The following SLIT2 variants were observed in gnomAD, a reference collection of about 807,000 sequenced individuals.
The protein encoded by SLIT2 is slit homolog 2 protein.
In SLIT2, 41 loss-of-function variants were observed where a neutral mutation model predicts 185.7. The ratio of observed to expected loss-of-function variants is 0.22; its 90% CI spans 0.17 to 0.29. The LOEUF is 0.29. SLIT2 is among the 10% of genes least tolerant of loss of function. SLIT2 has a pLI of 1.00. For missense variants in SLIT2, 1,571 were observed against 1,909.0 expected (o/e 0.82, Z 3.30); for synonymous variants, 693 against 680.2 (o/e 1.02, Z -0.29).
intron 4 of SLIT2, among the ~76,000 whole-genome samples, chr4:20,295,131 G>A (rs1219410993): frequency 1.3e-5 from 2 of 152,162 alleles, no homozygotes; most frequent in Non-Finnish European, 2.9e-5. Flanking sequence ...TCACTGTTGG[G>A]AAGATTGCAA....
intron 4 of SLIT2, among the ~76,000 whole-genome samples, chr4:20,370,462 A>T (rs1353892947): frequency 6.6e-6 from 1 of 152,048 alleles, no homozygotes; most frequent in East Asian, 1.9e-4. Flanking sequence ...TGCACTCATG[A>T]TGCACACATT....
At chr4:20,355,194 T>C (rs188150835) in intron 4 of SLIT2, among the ~76,000 whole-genome samples, 2 of 152,308 alleles carry the variant, frequency 1.3e-5, no homozygotes, top group East Asian at 1.9e-4. Flanking sequence ...ATAGCTTCAA[T>C]GTGTAATGCA....
chr4:20,473,852 C>T (rs1235037065), intron 5 of SLIT2, among the ~76,000 whole-genome samples: 1 of 152,028 alleles, frequency 6.6e-6, no homozygotes, highest in African/African-American at 2.4e-5. Context: ...CAGGCAAATG[C>T]AAGACCTCAT....
chr4:20,282,932 A>T (rs1331066508), intron 4 of SLIT2, among the ~76,000 whole-genome samples: 3 of 152,178 alleles, frequency 2.0e-5, no homozygotes, highest in African/African-American at 7.2e-5. Flanking sequence ...TAAGACTTTT[A>T]ATAGTGCATT....
At chr4:20,518,445 G>A (rs1720460124) in intron 11 of SLIT2, among the ~76,000 whole-genome samples, 1 of 136,558 alleles carries the variant, frequency 7.3e-6, no homozygotes, top group Non-Finnish European at 1.6e-5. Flanking sequence ...GTAGAGATGG[G>A]GTTTCACTGT....
intron 11 of SLIT2, among the ~76,000 whole-genome samples, chr4:20,515,130 C>G (rs917637899): frequency 2.6e-4 from 39 of 152,256 alleles, no homozygotes; most frequent in African/African-American, 8.2e-4. Context: ...TGTTCAAATC[C>G]TGGCTCTAGT....
chr4:20,467,744 GT>G lies in SLIT2; in HGVS notation c.396-3del. On this transcript the variant is annotated splice_region_variant and splice_polypyrimidine_tract_variant and intron_variant, in intron 4 of 36. Transcript: ENST00000504154. ...TAACGTGATCCTTTTTGTTGTTGTT[GT>G]TTTTAGTGATCTCAGTGAAAACCAA... 1.3e-6 allele frequency: 2 copies of G among 1,553,124 alleles called. No individual in the cohort carries two copies. Among genetic ancestry groups the G allele is most frequent in the Non-Finnish European group, 1.8e-6 (2 of 1,133,212 alleles).
At chr4:20,340,120 T>C (rs1194076401) in intron 4 of SLIT2, among the ~76,000 whole-genome samples, 3 of 152,194 alleles carry the variant, frequency 2.0e-5, no homozygotes, top group Admixed American at 6.5e-5. Flanking sequence ...TGTGGGAACG[T>C]AGTAGGTGTA....
chr4:20,349,663 T>A (rs1022212220), intron 4 of SLIT2, among the ~76,000 whole-genome samples: 1 of 152,196 alleles, frequency 6.6e-6, no homozygotes, highest in Non-Finnish European at 1.5e-5. Flanking sequence ...TTCCCCAAAT[T>A]GCTTTTGTGC....
intron 4 of SLIT2, among the ~76,000 whole-genome samples, chr4:20,332,805 T>G (rs1044545440): frequency 6.6e-6 from 1 of 152,148 alleles, no homozygotes; most frequent in African/African-American, 2.4e-5. Context: ...TTGATAATAT[T>G]TGTCATTGCT....
At chr4:20,567,102 C>T (rs1014513811) in intron 26 of SLIT2, among the ~76,000 whole-genome samples, 160 bp from the exon 27 acceptor site, 12 of 152,104 alleles carry the variant, frequency 7.9e-5, no homozygotes, top group East Asian at 3.9e-4. Context: ...TGAACATCAT[C>T]GGAGGATGCT....
At chr4:20,366,544 T>G (rs1014327939) in intron 4 of SLIT2, among the ~76,000 whole-genome samples, 1 of 152,060 alleles carries the variant, frequency 6.6e-6, no homozygotes, top group Non-Finnish European at 1.5e-5. Flanking sequence ...ATATGTGTTG[T>G]TGGGAGAAAA....
chr4:20,341,359 A>G (rs987586027), intron 4 of SLIT2, among the ~76,000 whole-genome samples: 1 of 152,250 alleles, frequency 6.6e-6, no homozygotes, highest in African/African-American at 2.4e-5. Context: ...TTAGACAGAC[A>G]GTAAAGCAAC....
Position 20,356,317 on chromosome 4 carries a change from A to G in SLIT2, c.395+87436A>G, listed in dbSNP as rs74461601. 5.6e-3 allele frequency among the ~76,000 whole-genome samples: 850 copies of G among 152,292 alleles called. 6 individuals are homozygous for G. The highest frequency in any genetic ancestry group is 0.02 in the African/African-American group (811 of 41,562). ...CCTCTCCACCCAGGTCAAATATCCC[A>G]GAATATGGTATTATTTAAGTATCAT... On this transcript the variant is annotated intron_variant, in intron 4 of 36. Coordinates refer to ENST00000504154, the MANE Select transcript of SLIT2 (RefSeq NM_004787.4).
At chr4:20,295,046 G>A (rs1716328525) in intron 4 of SLIT2, among the ~76,000 whole-genome samples, 1 of 152,322 alleles carries the variant, frequency 6.6e-6, no homozygotes, top group African/African-American at 2.4e-5. Flanking sequence ...AAAGATGAAA[G>A]TAATTTGATA....
chr4:20,338,693 G>A (rs1038931604), intron 4 of SLIT2, among the ~76,000 whole-genome samples: 2 of 152,150 alleles, frequency 1.3e-5, no homozygotes, highest in East Asian at 3.9e-4. Context: ...AAAAATGAAT[G>A]TACTGCTGGG....
rs367989085 is a variant in SLIT2, at chr4:20,541,440, C to G, written c.1977-13C>G. On this transcript the variant is annotated splice_polypyrimidine_tract_variant and intron_variant, in intron 19 of 36. Coordinates refer to ENST00000504154, the MANE Select transcript of SLIT2 (RefSeq NM_004787.4). ...CCAGGCTAAACTGTGCATCGTTTGC[C>G]TGTGGCTCTTAGAAACCTCTTGGCC... is the stretch of plus-strand genomic sequence containing the variant. The G allele has an allele frequency of 9.8e-5, 158 of 1,613,386 alleles. No individual in the cohort carries two copies. In the African/African-American group the frequency reaches 1.8e-3, roughly 18 times the overall value.
Position 20,528,226 on chromosome 4 carries a change from T to G in SLIT2, c.1463-723T>G. 1 of 533,566 alleles carries G rather than the reference T, an allele frequency of 1.9e-6. No individual in the cohort carries two copies. 33.1% of individuals were successfully genotyped at this position (533,566 alleles called of 1,614,324 possible). Reference sequence around the variant, plus strand: ...AGAACGTCTGTAGCTTTTCTCCTCCTTCCCTCCATTTTCCTCTTGGTCTTA... The same window carrying G: ...AGAACGTCTGTAGCTTTTCTCCTCCGTCCCTCCATTTTCCTCTTGGTCTTA... On this transcript the variant is annotated intron_variant, in intron 15 of 36. Transcript: ENST00000504154. The surrounding 1 kb of genome is among the most constrained non-coding windows in gnomAD (Gnocchi z 4.2).
At position 20,574,176 on chromosome 4, in the gene SLIT2, G is replaced by A. The variant is rs184549599; in HGVS notation, c.3088+5172G>A. Among the ~76,000 whole-genome samples, 356 of 151,728 alleles carry A rather than the reference G, an allele frequency of 2.3e-3. 2 individuals are homozygous for A. The highest frequency in any genetic ancestry group is 8.3e-3 in the African/African-American group (343 of 41,342). ...TCACTGTGTTAGCCAGGATGGTCTC[G>A]ATCTCCTGACCTCATGATTCACCCG... On this transcript the variant is annotated intron_variant, in intron 29 of 36. Transcript: ENST00000504154.
Sources: gnomAD v4.1 joint callset for allele counts (sites outside exome capture counted in the v4.1 genomes callset) on GRCh38, gnomAD v4.1.1 for gene constraint, Gnocchi (gnomAD v3.1) non-coding constraint, MANE v1.5 for transcripts, NCBI Gene and HGNC (gene_info 2026-07-23, HGNC 2026-07-21) for gene names.